The following GPBP1 variants were observed in gnomAD, a reference collection of about 807,000 sequenced individuals.
GPBP1 encodes GC-rich promoter binding protein 1.
Under a neutral mutation model 56.5 loss-of-function variants are expected in GPBP1, and 13 were observed. That is an observed-to-expected ratio of 0.23 (90% CI 0.15 to 0.37). The LOEUF is 0.37. Ranked by LOEUF, GPBP1 falls within the 10% of genes least tolerant of loss-of-function variation. GPBP1 has a pLI of 1.00. For synonymous variants in GPBP1, 204 were observed against 188.9 expected, an observed-to-expected ratio of 1.08 and a Z score of -0.66; for missense variants, 477 against 572.3, an observed-to-expected ratio of 0.83 and a Z score of 1.70.
chr5:57,175,633 A>G lies in GPBP1; in HGVS notation c.-825A>G. 2.5e-6 allele frequency: 1 copy of G among 396,894 alleles called. No homozygotes were observed. 24.6% of individuals were successfully genotyped at this position (396,894 alleles called of 1,614,324 possible). A position where few individuals can be genotyped will look rare whatever the true frequency, so the allele number is the denominator to read the frequency against. ...GTGAACAATTCAGCAAGCTACTTAA[A>G]AAGAGACCCAGGCAGCATTTCTTCA... On this transcript the variant is annotated 5_prime_UTR_variant, in exon 2 of 12. Transcript: ENST00000506184.
chr5:57,239,100 A>G (rs573535445), intron 6 of GPBP1, among the ~76,000 whole-genome samples: 41 of 152,246 alleles, frequency 2.7e-4, no homozygotes, highest in Non-Finnish European at 5.4e-4. Context: ...TATTCTGTTG[A>G]TGAATTGCTT....
intron 3 of GPBP1, chr5:57,221,343 C>A (rs765743368): frequency 1.3e-6 from 2 of 1,485,022 alleles, no homozygotes; most frequent in Non-Finnish European, 9.1e-7. Context: ...TTAAATAATG[C>A]CAATTGTGAC....
intron 3 of GPBP1, among the ~76,000 whole-genome samples, chr5:57,229,782 G>C (rs1756361588): frequency 1.3e-5 from 2 of 151,928 alleles, no homozygotes; most frequent in African/African-American, 4.8e-5. Flanking sequence ...CAGGTGATCT[G>C]CCCACCTCAG....
chr5:57,256,532 AAG>A (rs950082165), intron 10 of GPBP1, among the ~76,000 whole-genome samples: 2 of 152,186 alleles, frequency 1.3e-5, no homozygotes, highest in African/African-American at 2.4e-5. Flanking sequence ...AAACTATAAA[AAG>A]AGAGAGTTAT....
intron 7 of GPBP1, 68 bp from the exon 8 acceptor site, chr5:57,247,007 T>A: frequency 1.4e-6 from 2 of 1,420,358 alleles, no homozygotes; most frequent in Non-Finnish European, 1.9e-6. Context: ...TTTATAATAT[T>A]CACTGTTTTT....
intron 2 of GPBP1, 25 bp from the exon 3 acceptor site, chr5:57,214,049 A>G (rs1755604524): frequency 1.8e-6 from 2 of 1,133,436 alleles, no homozygotes; most frequent in Non-Finnish European, 2.7e-6. Flanking sequence ...CTGCAGGTCT[A>G]ATTCCTTCCA....
intron 3 of GPBP1, among the ~76,000 whole-genome samples, chr5:57,224,978 A>G (rs1756116265): frequency 2.0e-5 from 3 of 151,982 alleles, no homozygotes; most frequent in South Asian, 2.1e-4. Context: ...GATCACTGCA[A>G]ATTACATAAA....
chr5:57,190,488 G>T (rs990225632), intron 2 of GPBP1, among the ~76,000 whole-genome samples: 1 of 151,736 alleles, frequency 6.6e-6, no homozygotes, highest in South Asian at 2.1e-4. Flanking sequence ...GGAGGCTGAG[G>T]CGGGAGAACC....
At chr5:57,215,360 TTATC>T (rs1438497698) in intron 3 of GPBP1, among the ~76,000 whole-genome samples, 2 of 152,166 alleles carry the variant, frequency 1.3e-5, no homozygotes, top group African/African-American at 4.8e-5. Context: ...TGAGGGTGAT[TTATC>T]TGAGTTTTCT....
chr5:57,254,510 C>G (rs539596029), intron 10 of GPBP1, among the ~76,000 whole-genome samples: 11 of 152,180 alleles, frequency 7.2e-5, no homozygotes, highest in Admixed American at 7.2e-4. Context: ...GCCTGGCCAA[C>G]ATGGTGAAAC....
intron 2 of GPBP1, among the ~76,000 whole-genome samples, chr5:57,178,560 A>G (rs769521097): frequency 6.6e-6 from 1 of 152,128 alleles, no homozygotes; most frequent in Non-Finnish European, 1.5e-5. Flanking sequence ...TTTCTTCTAA[A>G]TTGCCATTAC....
intron 3 of GPBP1, among the ~76,000 whole-genome samples, chr5:57,229,605 A>G (rs1335257079): frequency 2.0e-5 from 3 of 151,456 alleles, no homozygotes; most frequent in African/African-American, 7.3e-5. Flanking sequence ...ATCTCGGCTC[A>G]CTGCAACTGC....
At position 57,247,138 on chromosome 5, in the gene GPBP1, A is replaced by G; in HGVS notation, c.727A>G (p.Thr243Ala). ...TGGAACTTCTTTCCCTCATGAGTCC[A>G]CATTTGGCGTTGGCAACTTTAATGC... is the stretch of plus-strand genomic sequence containing the variant. ...KVGTSFPHESTFGVGNFNAFK... is the reference protein window; with the variant it reads ...KVGTSFPHESAFGVGNFNAFK... The change falls in exon 8 of 12, where the codon ACA (threonine) becomes GCA (alanine). Residue 243 changes from threonine to alanine, a missense_variant. Coordinates refer to ENST00000506184, the MANE Select transcript of GPBP1 (RefSeq NM_022913.4). 1 of 1,613,838 alleles carries G rather than the reference A, an allele frequency of 6.2e-7. No individual in the cohort carries two copies. Among genetic ancestry groups the G allele is most frequent in the Non-Finnish European group, 8.5e-7 (1 of 1,179,828 alleles).
intron 2 of GPBP1, among the ~76,000 whole-genome samples, chr5:57,183,776 T>G (rs992923304): frequency 1.3e-5 from 2 of 150,140 alleles, no homozygotes; most frequent in African/African-American, 4.9e-5. Flanking sequence ...TTTTTTTTTT[T>G]TTTTTTTGTT....
chr5:57,219,879 C>T lies in GPBP1; in HGVS notation c.63+5686C>T, dbSNP rs186394701. The stretch of plus-strand genomic sequence containing the variant: ...ACCAGCTGGACCAACGTGGAAAAAC[C>T]CTGTCTCTACTAAAAGTACAAAACT... On this transcript the variant is annotated intron_variant, in intron 3 of 11. Transcript: ENST00000506184. Among the ~76,000 whole-genome samples, 463 of 151,898 alleles carry T rather than the reference C, an allele frequency of 3.0e-3. 1 individual carries two copies. Among genetic ancestry groups the T allele is most frequent in the Non-Finnish European group, 4.6e-3 (311 of 67,940 alleles).
chr5:57,237,053 C>T lies in GPBP1; in HGVS notation c.478+1021C>T, dbSNP rs1334714960. 4 of 1,188,456 alleles carry T rather than the reference C, an allele frequency of 3.4e-6. No individual in the cohort carries two copies. The South Asian group carries it at 5.2e-5, about 15-fold the overall frequency. The allele number at this position is 1,188,456 out of a possible 1,614,324, so 73.6% of individuals were successfully genotyped here. Reference sequence around the variant, plus strand: ...GGGTGGTCAGACACTTTTGTTAGAACCATGTGAATGGCATTGTTTTTTCTG... The same window carrying T: ...GGGTGGTCAGACACTTTTGTTAGAATCATGTGAATGGCATTGTTTTTTCTG... On this transcript the variant is annotated intron_variant, in intron 6 of 11. Transcript: ENST00000506184.
At chr5:57,240,728 A>G (rs1243143145) in intron 6 of GPBP1, among the ~76,000 whole-genome samples, 1 of 152,158 alleles carries the variant, frequency 6.6e-6, no homozygotes, top group Non-Finnish European at 1.5e-5. Context: ...TAATCCCAGC[A>G]CTTTGGGAGG....
At chr5:57,218,554 G>A (rs1318824061) in intron 3 of GPBP1, among the ~76,000 whole-genome samples, 3 of 152,146 alleles carry the variant, frequency 2.0e-5, no homozygotes, top group Non-Finnish European at 4.4e-5. Flanking sequence ...TGGTCTATGG[G>A]TGGTGGGGCT....
chr5:57,187,044 ATGTT>A (rs2111611025), intron 2 of GPBP1, among the ~76,000 whole-genome samples: 1 of 145,374 alleles, frequency 6.9e-6, no homozygotes, highest in African/African-American at 2.5e-5. Flanking sequence ...GTGTGTATGT[ATGTT>A]TGTATGTATT....
Sources: gnomAD v4.1 joint callset for allele counts (sites outside exome capture counted in the v4.1 genomes callset) on GRCh38, gnomAD v4.1.1 for gene constraint, MANE v1.5 for transcripts, NCBI Gene and HGNC (gene_info 2026-07-23, HGNC 2026-07-21) for gene names.